RNF212B: variants seen among roughly 807,000 people sequenced by gnomAD.
RNF212B encodes ring finger protein 212B.
Under a neutral mutation model 55.5 loss-of-function variants are expected in RNF212B, and 52 were observed. That is an observed-to-expected ratio of 0.94 (90% CI 0.75 to 1.18). RNF212B has a LOEUF of 1.18. RNF212B is among the 50% of genes most tolerant of loss of function. The pLI, the probability that RNF212B is intolerant of heterozygous loss-of-function variation, is 0.00. For synonymous variants in RNF212B, 99 were observed against 121.4 expected (o/e 0.82, Z 1.21); for missense variants, 289 against 350.4 (o/e 0.82, Z 1.40).
At chr14:23,247,892 C>A (rs1429312376) in intron 4 of RNF212B, among the ~76,000 whole-genome samples, 1 of 152,170 alleles carries the variant, frequency 6.6e-6, no homozygotes, top group Non-Finnish European at 1.5e-5. Context: ...TCCTTAGCAG[C>A]TCTTTTAGTC....
upstream of RNF212B, among the ~76,000 whole-genome samples, chr14:23,236,142 T>C (rs1883073285): frequency 6.6e-6 from 1 of 152,186 alleles, no homozygotes; most frequent in Non-Finnish European, 1.5e-5. Context: ...TAGCAAGAGA[T>C]TACAAAAATG....
At chr14:23,257,173 A>G (rs933583057) in intron 4 of RNF212B, among the ~76,000 whole-genome samples, 1 of 149,698 alleles carries the variant, frequency 6.7e-6, no homozygotes, top group Non-Finnish European at 1.5e-5. Context: ...AAAAAATAAA[A>G]TAAAATAAAT....
At chr14:23,206,080 A>G (rs1879803126) in intron 2 of RNF212B, among the ~76,000 whole-genome samples, 1 of 152,052 alleles carries the variant, frequency 6.6e-6, no homozygotes, top group Non-Finnish European at 1.5e-5. Context: ...GCATTTGACT[A>G]GTCTTTTTTT....
chr14:23,251,126 TAA>T (rs1884372443), intron 4 of RNF212B, among the ~76,000 whole-genome samples: 1 of 152,220 alleles, frequency 6.6e-6, no homozygotes, highest in African/African-American at 2.4e-5. Context: ...ATGCCTGACG[TAA>T]AGTGTTCAGT....
intron 11 of RNF212B, among the ~76,000 whole-genome samples, chr14:23,266,705 C>G (rs1050182577): frequency 6.6e-6 from 1 of 152,198 alleles, no homozygotes; most frequent in Non-Finnish European, 1.5e-5. Context: ...GCCACCACAC[C>G]CGGCCTGATT....
intron 4 of RNF212B, among the ~76,000 whole-genome samples, chr14:23,250,865 G>C (rs1186468305): frequency 6.6e-6 from 1 of 152,178 alleles, no homozygotes; most frequent in African/African-American, 2.4e-5. Flanking sequence ...CTAGGTCATA[G>C]GTAGATAAGA....
chr14:23,232,252 G>A (rs1278441991), intron 2 of RNF212B, among the ~76,000 whole-genome samples: 10 of 149,676 alleles, frequency 6.7e-5, no homozygotes, highest in Admixed American at 1.3e-4. Context: ...CCTCTGCCCC[G>A]CCGCCCCATC....
chr14:23,243,994 C>A (rs764891468), intron 3 of RNF212B, among the ~76,000 whole-genome samples: 9 of 152,016 alleles, frequency 5.9e-5, no homozygotes, highest in Admixed American at 1.3e-4. Flanking sequence ...AGAAGAATCA[C>A]TTGAACCCAA....
intron 8 of RNF212B, 39 bp from the exon 9 acceptor site, chr14:23,262,889 T>C (rs927453932): frequency 6.5e-7 from 1 of 1,547,570 alleles, no homozygotes; most frequent in Admixed American, 2.0e-5. Context: ...GGCATACCAT[T>C]GATGGCAACT....
chr14:23,187,266 A>C (rs1418336828), intron 1 of RNF212B, among the ~76,000 whole-genome samples: 1 of 152,202 alleles, frequency 6.6e-6, no homozygotes, highest in Non-Finnish European at 1.5e-5. Flanking sequence ...TGGACAGAAA[A>C]GGTTATGGCT....
chr14:23,193,037 A>G (rs1389838831), intron 1 of RNF212B, among the ~76,000 whole-genome samples: 1 of 146,620 alleles, frequency 6.8e-6, no homozygotes, highest in Non-Finnish European at 1.5e-5. Context: ...GGTTGCTGTG[A>G]GACGAGATCA....
chr14:23,203,523 C>T (rs529259327), intron 2 of RNF212B, among the ~76,000 whole-genome samples: 32 of 142,978 alleles, frequency 2.2e-4, no homozygotes, highest in Non-Finnish European at 3.8e-4. Flanking sequence ...CTGTCACCCA[C>T]GCTGGAGTGC....
intron 2 of RNF212B, among the ~76,000 whole-genome samples, chr14:23,211,614 T>A (rs1257781560): frequency 6.6e-6 from 1 of 151,990 alleles, no homozygotes; most frequent in Non-Finnish European, 1.5e-5. Context: ...AATCAAACAA[T>A]GCATAAAAAG....
chr14:23,224,490 G>A (rs1168834738), intron 2 of RNF212B, among the ~76,000 whole-genome samples: 1 of 152,124 alleles, frequency 6.6e-6, no homozygotes, highest in Admixed American at 6.6e-5. Context: ...TGCCAACAAC[G>A]TACACTGGGG....
intron 14 of RNF212B, 29 bp from the exon 15 acceptor site, chr14:23,272,794 C>T: frequency 6.7e-7 from 1 of 1,482,172 alleles, no homozygotes; most frequent in Non-Finnish European, 9.2e-7. Flanking sequence ...TATAAACACC[C>T]ACATCTACCT....
chr14:23,229,263 C>CA (rs1882346842), intron 2 of RNF212B, among the ~76,000 whole-genome samples: 2 of 38,838 alleles, frequency 5.1e-5, no homozygotes, highest in Non-Finnish European at 1.1e-4. Context: ...TATATATATA[C>CA]CACATTGTTT....
At chr14:23,239,609 TTTTTTC>T (rs375917225) in intron 1 of RNF212B, among the ~76,000 whole-genome samples, 1 of 152,068 alleles carries the variant, frequency 6.6e-6, no homozygotes, top group Non-Finnish European at 1.5e-5. Context: ...TTGTATTTTC[TTTTTTC>T]TTTTTCTTTT....
intron 2 of RNF212B, among the ~76,000 whole-genome samples, chr14:23,208,880 C>A (rs543100898): frequency 1.7e-4 from 25 of 149,370 alleles, no homozygotes; most frequent in South Asian, 4.3e-4. Flanking sequence ...TGACTCAGCC[C>A]CCTGAGTAGT....
intron 2 of RNF212B, among the ~76,000 whole-genome samples, chr14:23,218,923 A>T (rs1881325269): frequency 6.6e-6 from 1 of 151,976 alleles, no homozygotes; most frequent in African/African-American, 2.4e-5. Flanking sequence ...GTCAAGGATT[A>T]AAAAAAAGGA....
Sources: gnomAD v4.1 joint callset for allele counts (sites outside exome capture counted in the v4.1 genomes callset) on GRCh38, gnomAD v4.1.1 for gene constraint, MANE v1.5 for transcripts, NCBI Gene and HGNC (gene_info 2026-07-23, HGNC 2026-07-21) for gene names.